FLYWCH2: variants seen among roughly 807,000 people sequenced by gnomAD.
FLYWCH2 encodes FLYWCH family member 2.
Under a neutral mutation model 6.0 loss-of-function variants are expected in FLYWCH2, and 2 were observed. That is an observed-to-expected ratio of 0.33 (90% CI 0.14 to 1.04). The LOEUF (loss-of-function observed/expected upper bound fraction) is 1.04, where lower values mean the gene tolerates loss of function less well. Ranked by LOEUF, FLYWCH2 falls within the 50% of genes least tolerant of loss-of-function variation. The pLI is 0.45. For missense variants in FLYWCH2, 192 were observed against 183.4 expected (o/e 1.05, Z -0.27); for synonymous variants, 87 against 79.3 (o/e 1.10, Z -0.52).
At chr16:2,893,582 G>A (rs1346457569) in intron 1 of FLYWCH2, among the ~76,000 whole-genome samples, 1 of 151,536 alleles carries the variant, frequency 6.6e-6, no homozygotes, top group African/African-American at 2.4e-5. Context: ...TTTAATATGG[G>A]GTTTGAATTT....
chr16:2,891,259 T>G (rs2069753763), intron 1 of FLYWCH2, among the ~76,000 whole-genome samples: 1 of 151,940 alleles, frequency 6.6e-6, no homozygotes. Flanking sequence ...GTAATAGAGG[T>G]CATGGTTGAC....
intron 1 of FLYWCH2, among the ~76,000 whole-genome samples, chr16:2,885,118 C>T (rs182055293): frequency 0.011 from 1,713 of 152,140 alleles, 15 homozygotes; most frequent in Non-Finnish European, 0.016. Context: ...GTCAGGAGAT[C>T]GAGACCATCC....
Position 2,896,519 on chromosome 16 carries a change from C to G in FLYWCH2, c.70C>G (p.Pro24Ala), listed in dbSNP as rs780753564. ...VKASQEPSPK[P>A]GTEVIPAAPR... ...GGCCAGCCAGGAGCCATCCCCCAAG[C>G]CAGGCACAGAAGTCATCCCGGCAGC... The change falls in exon 3 of 4, where the codon CCA (proline) becomes GCA (alanine). Residue 24 changes from proline (P) to alanine (A), a missense_variant. By Grantham distance (27) the Pro-to-Ala change is conservative (BLOSUM62 -1). Coordinates refer to ENST00000396958, the MANE Select transcript of FLYWCH2 (RefSeq NM_138439.3). The G allele has an allele frequency of 2.5e-5, 41 of 1,614,012 alleles. No homozygotes were observed.
rs1047949925 is a variant in FLYWCH2, at chr16:2,899,222, G to A, written c.*73G>A. On this transcript the variant is annotated 3_prime_UTR_variant, in exon 4 of 4. Coordinates refer to ENST00000396958, the MANE Select transcript of FLYWCH2 (RefSeq NM_138439.3). ...TCTTCTCTGTCCGCAGGGCTTCTGG[G>A]GCCAAATGGGTGAATCTTTGCTTTT... is the stretch of plus-strand genomic sequence containing the variant. The A allele has an allele frequency of 1.1e-6, 1 of 948,522 alleles. No individual in the cohort carries two copies. The highest frequency in any genetic ancestry group is 1.5e-6 in the Non-Finnish European group (1 of 646,432). 58.8% of individuals were successfully genotyped at this position (948,522 alleles called of 1,614,324 possible). A position where few individuals can be genotyped will look rare whatever the true frequency, so the allele number is the denominator to read the frequency against.
rs548158038 is a variant in FLYWCH2 at position 2,883,566 on chromosome 16, T to C, written c.-200+200T>C. Reference sequence around the variant, plus strand: ...TCCTTCCCCACCCCCTCCAGTCCCTTGTCCAAAGCCTCAACACCCCCACAC... The same window carrying C: ...TCCTTCCCCACCCCCTCCAGTCCCTCGTCCAAAGCCTCAACACCCCCACAC... On this transcript the variant is annotated intron_variant, in intron 1 of 3. Coordinates refer to ENST00000396958, the MANE Select transcript of FLYWCH2 (RefSeq NM_138439.3). Among the ~76,000 whole-genome samples, 6 of 152,080 alleles carry C rather than the reference T, an allele frequency of 3.9e-5. No homozygotes were observed. In the East Asian group the frequency reaches 1.2e-3, roughly 29 times the overall value.
chr16:2,884,685 A>T, intron 1 of FLYWCH2, among the ~76,000 whole-genome samples: 1 of 149,608 alleles, frequency 6.7e-6, no homozygotes, highest in East Asian at 2.0e-4. Flanking sequence ...GACCAGCCTG[A>T]CCAACATGGA....
chr16:2,888,718 C>T (rs1299897509), intron 1 of FLYWCH2, among the ~76,000 whole-genome samples: 1 of 152,040 alleles, frequency 6.6e-6, no homozygotes, highest in East Asian at 1.9e-4. Context: ...GCCTCTTATC[C>T]TGGAGGAAGT....
intron 1 of FLYWCH2, among the ~76,000 whole-genome samples, chr16:2,885,149 C>T (rs1012164779): frequency 3.3e-5 from 5 of 151,988 alleles, no homozygotes; most frequent in African/African-American, 7.2e-5. Flanking sequence ...GGTGAAACCC[C>T]GTCTCTACTA....
chr16:2,892,906 TAA>T (rs2069774406), intron 1 of FLYWCH2, among the ~76,000 whole-genome samples: 2 of 47,712 alleles, frequency 4.2e-5, no homozygotes, highest in Non-Finnish European at 1.2e-4. Context: ...ATATGTCATA[TAA>T]TATATATTAT....
chr16:2,889,975 C>G (rs1009169429), intron 1 of FLYWCH2, among the ~76,000 whole-genome samples: 1 of 152,104 alleles, frequency 6.6e-6, no homozygotes, highest in Non-Finnish European at 1.5e-5. Flanking sequence ...GTCTCAGCTA[C>G]TTGGGAAGCT....
rs1037253405 is a variant in FLYWCH2, at chr16:2,896,899, G to A, written c.322+128G>A. 1.0e-5 allele frequency: 9 copies of A among 883,770 alleles called. No individual in the cohort carries two copies. In the African/African-American group the frequency reaches 1.3e-4, roughly 13 times the overall value. The allele number at this position is 883,770 out of a possible 1,614,324, so 54.7% of individuals were successfully genotyped here. On this transcript the variant is annotated intron_variant, in intron 3 of 3. Transcript: ENST00000396958. ...TTGTTCCCTGACTTTGACCACGTGTGGAGAGCAGTGGCACAGGGGTTAGGG... is the reference window on the plus strand; with the variant it reads ...TTGTTCCCTGACTTTGACCACGTGTAGAGAGCAGTGGCACAGGGGTTAGGG...
At chr16:2,896,995 A>C (rs1364784982) in intron 3 of FLYWCH2, 3 of 585,880 alleles carry the variant, frequency 5.1e-6, no homozygotes, top group Non-Finnish European at 6.0e-6. Context: ...TCTGTTCCCC[A>C]CTCTGGAATG....
chr16:2,890,236 T>G (rs371130537), intron 1 of FLYWCH2, among the ~76,000 whole-genome samples: 32 of 146,030 alleles, frequency 2.2e-4, no homozygotes, highest in South Asian at 8.3e-4. Context: ...TTGTTTTTTT[T>G]TTTTTGTTTT....
rs538573942 is a variant in FLYWCH2 at position 2,887,611 on chromosome 16, C to A, written c.-200+4245C>A. 6.6e-5 allele frequency among the ~76,000 whole-genome samples: 10 copies of A among 151,752 alleles called. No homozygotes were observed. In the East Asian group the frequency reaches 1.9e-3, roughly 29 times the overall value. On this transcript the variant is annotated intron_variant, in intron 1 of 3. Transcript: ENST00000396958. ...TTTGAGACAGAGTCTTGCTCTGTCA[C>A]CCAGGCTGAGGTACAGCAGCACAAT... is the stretch of plus-strand genomic sequence containing the variant.
At chr16:2,895,872 G>A (rs1298163143) in intron 2 of FLYWCH2, among the ~76,000 whole-genome samples, 1 of 152,252 alleles carries the variant, frequency 6.6e-6, no homozygotes, top group African/African-American at 2.4e-5. Flanking sequence ...ATGCTGTGTG[G>A]TCATGGGCTC....
At chr16:2,897,992 T>C (rs1441619450) in intron 3 of FLYWCH2, among the ~76,000 whole-genome samples, 1 of 152,020 alleles carries the variant, frequency 6.6e-6, no homozygotes, top group Non-Finnish European at 1.5e-5. Flanking sequence ...CCAGAACAGG[T>C]GGTCCCCTGG....
At chr16:2,887,263 A>G (rs1463062539) in intron 1 of FLYWCH2, among the ~76,000 whole-genome samples, 1 of 149,894 alleles carries the variant, frequency 6.7e-6, no homozygotes, top group Admixed American at 6.7e-5. Flanking sequence ...CTTCCACCTC[A>G]GCTTCCCAAG....
intron 1 of FLYWCH2, among the ~76,000 whole-genome samples, chr16:2,890,826 C>T (rs2150846233): frequency 6.6e-6 from 1 of 152,268 alleles, no homozygotes; most frequent in South Asian, 2.1e-4. Flanking sequence ...CTCAACCCCC[C>T]AGAGTTCTGG....
At chr16:2,893,250 G>A (rs78055062) in intron 1 of FLYWCH2, among the ~76,000 whole-genome samples, 10,238 of 152,206 alleles carry the variant, frequency 0.067, 479 homozygotes, top group Non-Finnish European at 0.1. Context: ...CTTTCCTGGA[G>A]TTTGGAGGAG....
Sources: allele counts gnomAD v4.1 joint callset (sites outside exome capture counted in the v4.1 genomes callset), GRCh38; gene constraint gnomAD v4.1.1; transcripts MANE v1.5; gene names NCBI Gene and HGNC (gene_info 2026-07-23, HGNC 2026-07-21).